The following ASCC3 variants were observed in gnomAD, a reference collection of about 807,000 sequenced individuals.
The protein encoded by ASCC3 is ASC-1 complex subunit P200.
Under a neutral mutation model 256.3 loss-of-function variants are expected in ASCC3, and 158 were observed. That is an observed-to-expected ratio of 0.62 (90% CI 0.54 to 0.70). The LOEUF (loss-of-function observed/expected upper bound fraction) is 0.70, where lower values mean the gene tolerates loss of function less well. Ranked by LOEUF, ASCC3 falls within the 30% of genes least tolerant of loss-of-function variation. The pLI is 0.00. For synonymous variants in ASCC3, 948 were observed against 883.4 expected (o/e 1.07, Z -1.30); for missense variants, 2,259 against 2,626.0 (o/e 0.86, Z 3.05).
At chr6:100,673,812 T>C (rs1438779889) in intron 14 of ASCC3, among the ~76,000 whole-genome samples, 1 of 152,194 alleles carries the variant, frequency 6.6e-6, no homozygotes, top group African/African-American at 2.4e-5. Context: ...AGGCATGGAA[T>C]TTAAAGTCTT....
intron 4 of ASCC3, among the ~76,000 whole-genome samples, chr6:100,814,198 C>T (rs1203584231): frequency 6.6e-6 from 1 of 152,070 alleles, no homozygotes; most frequent in Non-Finnish European, 1.5e-5. Context: ...TTGAGGTAAG[C>T]ATGTGGTTTT....
At chr6:100,584,687 T>G (rs1368794787) in intron 36 of ASCC3, among the ~76,000 whole-genome samples, 9 of 152,232 alleles carry the variant, frequency 5.9e-5, no homozygotes, top group African/African-American at 1.7e-4. Flanking sequence ...CTCGATGGTC[T>G]TTAGATTTTG....
intron 21 of ASCC3, 88 bp from the exon 22 acceptor site, chr6:100,646,857 G>A: frequency 1.5e-6 from 2 of 1,324,430 alleles, no homozygotes; most frequent in Non-Finnish European, 2.1e-6. Context: ...CAGAGAAGGT[G>A]ATTTTATTGC....
intron 24 of ASCC3, among the ~76,000 whole-genome samples, chr6:100,641,642 G>C (rs1158595299): frequency 6.6e-6 from 1 of 152,146 alleles, no homozygotes; most frequent in African/African-American, 2.4e-5. Context: ...AATACCATTT[G>C]ACCCAGCCAT....
Position 100,707,144 on chromosome 6 carries a change from T to G in ASCC3, c.2151+8318A>C, listed in dbSNP as rs547792449. On this transcript the variant is annotated intron_variant, in intron 13 of 41. Coordinates refer to ENST00000369162, the MANE Select transcript of ASCC3 (RefSeq NM_006828.4). ...CAGACTTCCCATGCATATGATGATATACTGAGAACTAAATCAACAGTATTT... is the reference window on the plus strand; with the variant it reads ...CAGACTTCCCATGCATATGATGATAGACTGAGAACTAAATCAACAGTATTT... 2.0e-5 allele frequency among the ~76,000 whole-genome samples: 3 copies of G among 152,150 alleles called. No homozygotes were observed. The East Asian group carries it at 5.8e-4, about 29-fold the overall frequency.
intron 6 of ASCC3, 96 bp from the exon 7 acceptor site, chr6:100,799,668 C>A (rs1467795094): frequency 1.6e-6 from 2 of 1,277,842 alleles, no homozygotes; most frequent in African/African-American, 1.5e-5. Context: ...TGGGAGCTAG[C>A]CTTCCACCAT....
At chr6:100,703,022 T>C (rs1430914153) in intron 13 of ASCC3, among the ~76,000 whole-genome samples, 2 of 152,106 alleles carry the variant, frequency 1.3e-5, no homozygotes, top group Non-Finnish European at 2.9e-5. Flanking sequence ...ACCATAGTTT[T>C]TGACCAGTCT....
At chr6:100,597,550 G>A (rs973924930) in intron 34 of ASCC3, among the ~76,000 whole-genome samples, 2 of 151,836 alleles carry the variant, frequency 1.3e-5, no homozygotes, top group Non-Finnish European at 2.9e-5. Flanking sequence ...CTAGATTTAT[G>A]AACTTACATG....
intron 10 of ASCC3, among the ~76,000 whole-genome samples, chr6:100,729,635 A>G (rs1779806597): frequency 6.6e-6 from 1 of 152,190 alleles, no homozygotes; most frequent in Non-Finnish European, 1.5e-5. Context: ...TCTGATGGGA[A>G]GTTATACAAG....
chr6:100,651,111 T>C (rs1343282986), intron 19 of ASCC3, among the ~76,000 whole-genome samples: 2 of 151,306 alleles, frequency 1.3e-5, no homozygotes, highest in Admixed American at 6.7e-5. Context: ...TATAGTCATA[T>C]ATTTTTATAT....
intron 34 of ASCC3, among the ~76,000 whole-genome samples, chr6:100,597,633 T>C (rs1318984416): frequency 6.6e-6 from 1 of 151,768 alleles, no homozygotes; most frequent in Non-Finnish European, 1.5e-5. Flanking sequence ...ACATATGTAT[T>C]GGTGGCTACT....
At chr6:100,808,055 A>G (rs1423088259) in intron 4 of ASCC3, among the ~76,000 whole-genome samples, 1 of 151,968 alleles carries the variant, frequency 6.6e-6, no homozygotes, top group Non-Finnish European at 1.5e-5. Context: ...CAATGCTAAA[A>G]TGCAAGGTTT....
chr6:100,560,438 C>T (rs1230436094), intron 36 of ASCC3, among the ~76,000 whole-genome samples: 1 of 152,094 alleles, frequency 6.6e-6, no homozygotes, highest in Non-Finnish European at 1.5e-5. Flanking sequence ...GTAGCATCTT[C>T]CTTGATCTGC....
chr6:100,665,305 A>AT (rs376875264), intron 14 of ASCC3, among the ~76,000 whole-genome samples: 5 of 152,072 alleles, frequency 3.3e-5, no homozygotes, highest in African/African-American at 9.6e-5. Flanking sequence ...TACTCTGTGC[A>AT]TTTTTTTTAT....
intron 10 of ASCC3, among the ~76,000 whole-genome samples, chr6:100,761,332 A>T (rs1040891723): frequency 1.3e-5 from 2 of 152,102 alleles, no homozygotes; most frequent in African/African-American, 4.8e-5. Flanking sequence ...GCTACAAAAA[A>T]TAACGATTAC....
At chr6:100,766,830 TA>T in intron 9 of ASCC3, 125 bp from the exon 10 acceptor site, 1 of 1,148,698 alleles carries the variant, frequency 8.7e-7, no homozygotes. Context: ...TGAAAAATCT[TA>T]ATAGTGATAT....
At chr6:100,624,876 T>A (rs1774150083) in intron 30 of ASCC3, among the ~76,000 whole-genome samples, 1 of 151,916 alleles carries the variant, frequency 6.6e-6, no homozygotes, top group Non-Finnish European at 1.5e-5. Context: ...ATTATATATT[T>A]TTTAAAACCC....
At chr6:100,696,997 C>T (rs1279457680) in intron 13 of ASCC3, among the ~76,000 whole-genome samples, 1 of 151,960 alleles carries the variant, frequency 6.6e-6, no homozygotes, top group Non-Finnish European at 1.5e-5. Context: ...ACTCCTAAAC[C>T]AGAAATATTT....
At chr6:100,834,799 A>G (rs1302774486) in intron 4 of ASCC3, among the ~76,000 whole-genome samples, 1 of 152,180 alleles carries the variant, frequency 6.6e-6, no homozygotes, top group African/African-American at 2.4e-5. Context: ...CAACTACTGG[A>G]AAATTCAAAT....
Sources: allele counts gnomAD v4.1 joint callset (sites outside exome capture counted in the v4.1 genomes callset), GRCh38; gene constraint gnomAD v4.1.1; transcripts MANE v1.5; gene names NCBI Gene and HGNC (gene_info 2026-07-23, HGNC 2026-07-21).